Variants in CHD9 observed in about 807,000 individuals in gnomAD.
CHD9 encodes chromodomain helicase DNA binding protein 9, also known as ATP-dependent chromatin remodeler CHD9.
In CHD9, 77 loss-of-function variants were observed where a neutral mutation model predicts 316.1. The ratio of observed to expected loss-of-function variants is 0.24; its 90% confidence interval spans 0.20 to 0.29. CHD9 has a LOEUF of 0.29. Among genes scored for constraint, CHD9 ranks in the 10% least tolerant of loss-of-function variants. The pLI is 1.00. For synonymous variants in CHD9, 1,129 were observed against 1,158.3 expected, an observed-to-expected ratio of 0.97 and a Z score of 0.51; for missense variants, 2,763 against 3,438.1, an observed-to-expected ratio of 0.80 and a Z score of 4.91.
rs781669825 is a variant in CHD9, at chr16:53,254,519, G to C, written c.3943G>C (p.Glu1315Gln). The part of the protein sequence containing the change: ...RLVTRNSYER[E>Q]MFDRASLKLG... Reference sequence around the variant, plus strand: ...GGTAACTCGTAACTCATATGAGAGAGAGATGTTTGACCGAGCCAGTTTGAA... The same window carrying C: ...GGTAACTCGTAACTCATATGAGAGACAGATGTTTGACCGAGCCAGTTTGAA... The change falls in exon 18 of 39, where the codon GAG (glutamate) becomes CAG (glutamine). Residue 1315 changes from glutamate (E) to glutamine (Q), a missense_variant. Glu to Gln is a conservative substitution (Grantham distance 29). This residue lies in a region of CHD9 where 199 missense variants were observed against 251.7 expected (regional missense o/e 0.79). Coordinates refer to ENST00000447540, the MANE Select transcript of CHD9 (RefSeq NM_001308319.2). 6.2e-7 allele frequency: 1 copy of C among 1,613,094 alleles called. No homozygotes were observed. The highest frequency in any genetic ancestry group is 8.5e-7 in the Non-Finnish European group (1 of 1,179,396).
At chr16:53,171,451 T>G (rs2042714806) in intron 2 of CHD9, among the ~76,000 whole-genome samples, 1 of 151,930 alleles carries the variant, frequency 6.6e-6, no homozygotes, top group Non-Finnish European at 1.5e-5. Context: ...ATAAAAACAA[T>G]TTAGTTGAAG....
At chr16:53,270,396 T>G (rs905789322) in intron 22 of CHD9, among the ~76,000 whole-genome samples, 1 of 152,130 alleles carries the variant, frequency 6.6e-6, no homozygotes, top group Non-Finnish European at 1.5e-5. Flanking sequence ...TTAGGGCTGA[T>G]AATAGTGTTG....
At chr16:53,068,473 G>A (rs150098490) in intron 1 of CHD9, among the ~76,000 whole-genome samples, 7 of 152,164 alleles carry the variant, frequency 4.6e-5, no homozygotes, top group East Asian at 1.9e-4. Flanking sequence ...CACAGGGCCC[G>A]CTAAAGTGCC....
At chr16:53,060,141 C>G (rs1166853274) in intron 1 of CHD9, among the ~76,000 whole-genome samples, 1 of 152,102 alleles carries the variant, frequency 6.6e-6, no homozygotes, top group Non-Finnish European at 1.5e-5. Flanking sequence ...GCCAGGAGTT[C>G]AAGACCAGCC....
At chr16:53,173,838 C>A (rs973075477) in intron 2 of CHD9, among the ~76,000 whole-genome samples, 4 of 152,160 alleles carry the variant, frequency 2.6e-5, no homozygotes, top group Admixed American at 1.3e-4. Flanking sequence ...GCCACCGTGC[C>A]CAGCCAAATT....
At chr16:53,181,491 AACTT>A (rs1387403708) in intron 2 of CHD9, among the ~76,000 whole-genome samples, 2 of 152,146 alleles carry the variant, frequency 1.3e-5, no homozygotes, top group Non-Finnish European at 2.9e-5. Context: ...GCTTATATGA[AACTT>A]ACATATAGGA....
intron 2 of CHD9, among the ~76,000 whole-genome samples, chr16:53,197,660 CTTT>C (rs140745645): frequency 7.0e-6 from 1 of 142,786 alleles, no homozygotes; most frequent in Non-Finnish European, 1.5e-5. Flanking sequence ...AATATTCTAG[CTTT>C]TTTTTTTTTT....
chr16:53,100,726 G>A (rs777309441), intron 1 of CHD9, among the ~76,000 whole-genome samples: 3 of 152,088 alleles, frequency 2.0e-5, no homozygotes, highest in South Asian at 2.1e-4. Flanking sequence ...TTGGCCTTTC[G>A]AAGTGCTGGG....
At chr16:53,294,011 TATTTTAC>T (rs1473930098) in intron 29 of CHD9, among the ~76,000 whole-genome samples, 1 of 152,142 alleles carries the variant, frequency 6.6e-6, no homozygotes, top group African/African-American at 2.4e-5. Flanking sequence ...CATTCTATCA[TATTTTAC>T]ATTTTACATC....
At chr16:53,301,905 C>T (rs2153077078) in intron 30 of CHD9, among the ~76,000 whole-genome samples, 1 of 151,966 alleles carries the variant, frequency 6.6e-6, no homozygotes, top group South Asian at 2.1e-4. Context: ...GCTGGGACTA[C>T]AGGTGGCTGC....
intron 30 of CHD9, among the ~76,000 whole-genome samples, chr16:53,297,459 A>T (rs2054906410): frequency 6.6e-6 from 1 of 152,222 alleles, no homozygotes; most frequent in Admixed American, 6.5e-5. Flanking sequence ...GTTAAACAGA[A>T]CTAACCTATA....
intron 1 of CHD9, among the ~76,000 whole-genome samples, chr16:53,136,453 A>G (rs58939335): frequency 0.032 from 4,926 of 152,154 alleles, 100 homozygotes; most frequent in Middle Eastern, 0.071. Flanking sequence ...GAAGGAAAAA[A>G]TGATATTTTT....
At chr16:53,162,740 A>G (rs1189487786) in intron 2 of CHD9, among the ~76,000 whole-genome samples, 5 of 152,144 alleles carry the variant, frequency 3.3e-5, no homozygotes, top group African/African-American at 1.2e-4. Flanking sequence ...AAACTTAAAA[A>G]AAACTTGTAA....
intron 2 of CHD9, among the ~76,000 whole-genome samples, chr16:53,203,850 C>T (rs896882353): frequency 1.3e-5 from 2 of 151,186 alleles, no homozygotes; most frequent in African/African-American, 4.9e-5. Context: ...GGTGAAACCC[C>T]GTCTCTACTA....
chr16:53,241,007 C>T lies in CHD9; in HGVS notation c.2878-1833C>T, dbSNP rs1221633250. ...ATCAACTTAACTGAATATATTATATCCCAGGTTTTTAGAGCTGTATAAATG... is the reference window on the plus strand; with the variant it reads ...ATCAACTTAACTGAATATATTATATTCCAGGTTTTTAGAGCTGTATAAATG... On this transcript the variant is annotated intron_variant, in intron 12 of 38. Transcript: ENST00000447540. 3.3e-5 allele frequency among the ~76,000 whole-genome samples: 5 copies of T among 152,032 alleles called. No individual in the cohort carries two copies. In the East Asian group the frequency reaches 9.6e-4, roughly 29 times the overall value.
At chr16:53,278,188 G>T (rs2053047466) in intron 24 of CHD9, among the ~76,000 whole-genome samples, 1 of 152,098 alleles carries the variant, frequency 6.6e-6, no homozygotes, top group South Asian at 2.1e-4. Context: ...ACTGCCAAAA[G>T]CAATCTACAA....
chr16:53,281,475 C>T (rs1308339860), intron 24 of CHD9, among the ~76,000 whole-genome samples: 1 of 152,148 alleles, frequency 6.6e-6, no homozygotes, highest in African/African-American at 2.4e-5. Flanking sequence ...GCAATGGCCT[C>T]GTAACTGATT....
At chr16:53,096,854 C>G (rs993116456) in intron 1 of CHD9, among the ~76,000 whole-genome samples, 2 of 152,032 alleles carry the variant, frequency 1.3e-5, no homozygotes, top group Non-Finnish European at 2.9e-5. Flanking sequence ...TCCAAGGTGT[C>G]GCATGGTGAG....
chr16:53,255,559 T>C (rs757659298), intron 18 of CHD9, 41 bp from the exon 19 acceptor site: 1 of 1,575,408 alleles, frequency 6.3e-7, no homozygotes, highest in South Asian at 1.1e-5. Context: ...CTTTATGAAC[T>C]TTAAAAAAAA....
Sources: gnomAD v4.1 joint callset for allele counts (sites outside exome capture counted in the v4.1 genomes callset) on GRCh38, gnomAD v4.1.1 for gene constraint, gnomAD v4.1.1 regional missense constraint, MANE v1.5 for transcripts, NCBI Gene and HGNC (gene_info 2026-07-23, HGNC 2026-07-21) for gene names.